Variants in SMURF1 observed in about 807,000 individuals in gnomAD.
SMURF1 encodes the protein SMAD specific E3 ubiquitin protein ligase 1.
Under a neutral mutation model 98.0 loss-of-function variants are expected in SMURF1, and 44 were observed. The observed-to-expected ratio is 0.45, with a 90% CI of 0.35 to 0.58. The LOEUF (loss-of-function observed/expected upper bound fraction) is 0.58, where lower values mean the gene tolerates loss of function less well. Among genes scored for constraint, SMURF1 ranks in the 20% least tolerant of loss-of-function variants. The probability of loss-of-function intolerance (pLI) is 0.00; values close to 1 mark genes in which losing one functional copy is unlikely to be tolerated. For missense variants in SMURF1, 687 were observed against 938.4 expected, an observed-to-expected ratio of 0.73 and a Z score of 3.50; for synonymous variants, 396 against 374.9, an observed-to-expected ratio of 1.06 and a Z score of -0.65.
rs1798211667 is a variant in SMURF1 at position 99,143,915 on chromosome 7, G to C, written c.-135C>G. 1.2e-5 allele frequency: 8 copies of C among 654,024 alleles called. No individual in the cohort carries two copies. In the South Asian group the frequency reaches 2.3e-4, roughly 19 times the overall value. 40.5% of individuals were successfully genotyped at this position (654,024 alleles called of 1,614,324 possible). On this transcript the variant is annotated 5_prime_UTR_variant, in exon 1 of 18. Coordinates refer to ENST00000361368, the MANE Select transcript of SMURF1 (RefSeq NM_181349.3). ...GGGTCCGAGCCGGGACACAAACTCC[G>C]CGGCCCAGGCGTCCGGGCGGCAGGC...
At chr7:99,143,416 G>T (rs866822315) in intron 1 of SMURF1, among the ~76,000 whole-genome samples, 5 of 143,214 alleles carry the variant, frequency 3.5e-5, no homozygotes, top group African/African-American at 1.3e-4. Context: ...GCCAGGGAAG[G>T]AGATGCAAGG....
intron 1 of SMURF1, among the ~76,000 whole-genome samples, chr7:99,107,372 A>G (rs1797216555): frequency 6.6e-6 from 1 of 152,202 alleles, no homozygotes; most frequent in Non-Finnish European, 1.5e-5. Flanking sequence ...GTATCAAAAC[A>G]TCTCATGTAC....
At position 99,116,245 on chromosome 7, in the gene SMURF1, A is replaced by G. The variant is rs1175358564; in HGVS notation, c.55+27481T>C. ...ACAGATTCCAACATTCATGATAAAA[A>G]TATCAACATCCTTGGAATAGAAACT... On this transcript the variant is annotated intron_variant, in intron 1 of 17. Coordinates refer to ENST00000361368, the MANE Select transcript of SMURF1 (RefSeq NM_181349.3). 2.2e-3 allele frequency among the ~76,000 whole-genome samples: 5 copies of G among 2,280 alleles called. No homozygotes were observed. In the Non-Finnish European group the frequency reaches 0.1, roughly 46 times the overall value. The allele number at this position is 2,280 out of a possible 152,430, so 1.5% of individuals were successfully genotyped here.
At chr7:99,102,379 AAATG>A (rs1797102712) in intron 1 of SMURF1, among the ~76,000 whole-genome samples, 1 of 152,258 alleles carries the variant, frequency 6.6e-6, no homozygotes. Context: ...CAAATTTACA[AAATG>A]AATAACTGAA....
chr7:99,058,929 T>G (rs550873560), intron 3 of SMURF1, among the ~76,000 whole-genome samples: 2 of 151,410 alleles, frequency 1.3e-5, no homozygotes, highest in African/African-American at 4.9e-5. Flanking sequence ...ACTAAAAATA[T>G]AAAAATTAGC....
Position 99,143,903 on chromosome 7 carries a change from G to T in SMURF1, c.-123C>A. 1 of 836,598 alleles carries T rather than the reference G, an allele frequency of 1.2e-6. No homozygotes were observed. The highest frequency in any genetic ancestry group is 1.7e-6 in the Non-Finnish European group (1 of 597,794). 51.8% of individuals were successfully genotyped at this position (836,598 alleles called of 1,614,324 possible). A position where few individuals can be genotyped will look rare whatever the true frequency, so the allele number is the denominator to read the frequency against. ...GGCTGGGCGCCGGGGTCCGAGCCGG[G>T]ACACAAACTCCGCGGCCCAGGCGTC... On this transcript the variant is annotated 5_prime_UTR_variant, in exon 1 of 18. Transcript: ENST00000361368.
intron 1 of SMURF1, among the ~76,000 whole-genome samples, chr7:99,139,875 T>C (rs547240170): frequency 6.6e-6 from 1 of 152,310 alleles, no homozygotes; most frequent in East Asian, 1.9e-4. Context: ...CCAACAGTTT[T>C]CAAAAACAAT....
At chr7:99,090,197 G>A (rs1036982604) in intron 1 of SMURF1, among the ~76,000 whole-genome samples, 3 of 152,174 alleles carry the variant, frequency 2.0e-5, no homozygotes, top group African/African-American at 4.8e-5. Context: ...TGTCCTCTGT[G>A]GCCTCCAGCG....
At chr7:99,133,174 C>T (rs1584216682) in intron 1 of SMURF1, among the ~76,000 whole-genome samples, 1 of 152,216 alleles carries the variant, frequency 6.6e-6, no homozygotes, top group African/African-American at 2.4e-5. Context: ...CTGGATTGCA[C>T]CAATGTAAAC....
chr7:99,032,577 G>A (rs1342605369), intron 17 of SMURF1, among the ~76,000 whole-genome samples: 3 of 152,226 alleles, frequency 2.0e-5, no homozygotes, highest in African/African-American at 4.8e-5. Context: ...GCTGAGGCAT[G>A]AGAATTGCTT....
At chr7:99,127,384 CAAG>C (rs1311570182) in intron 1 of SMURF1, among the ~76,000 whole-genome samples, 3 of 152,044 alleles carry the variant, frequency 2.0e-5, no homozygotes, top group Non-Finnish European at 4.4e-5. Context: ...TGGAAGAACA[CAAG>C]AATACCATGG....
Position 99,027,505 on chromosome 7 carries a change from C to A in SMURF1, c.*3079G>T, listed in dbSNP as rs1159851520. 1 of 152,646 alleles carries A rather than the reference C, an allele frequency of 6.6e-6. No homozygotes were observed. Among genetic ancestry groups the A allele is most frequent in the African/African-American group, 2.4e-5 (1 of 41,460 alleles). The allele number at this position is 152,646 out of a possible 1,614,324, so 9.5% of individuals were successfully genotyped here. A position where few individuals can be genotyped will look rare whatever the true frequency, so the allele number is the denominator to read the frequency against. On this transcript the variant is annotated 3_prime_UTR_variant, in exon 18 of 18. Coordinates refer to ENST00000361368, the MANE Select transcript of SMURF1 (RefSeq NM_181349.3). ...GACCTCCTGGGCCCAGCCTGCTGTA[C>A]AATCACTGTTTGTTTTGTGTTTCCA...
chr7:99,083,081 A>C (rs939257165), intron 1 of SMURF1, among the ~76,000 whole-genome samples: 1 of 152,146 alleles, frequency 6.6e-6, no homozygotes, highest in Non-Finnish European at 1.5e-5. Context: ...ACCTGGGCAT[A>C]ACAGCTAAGG....
Position 99,030,447 on chromosome 7 carries a change from G to T in SMURF1, c.*137C>A. The stretch of plus-strand genomic sequence containing the variant: ...AGTCCCCCATCCCCCTCCCCCAACA[G>T]AAAGGAGAGAGACAACCCTTTCCCC... On this transcript the variant is annotated 3_prime_UTR_variant, in exon 18 of 18. Coordinates refer to ENST00000361368, the MANE Select transcript of SMURF1 (RefSeq NM_181349.3). 1 of 729,266 alleles carries T rather than the reference G, an allele frequency of 1.4e-6. No individual in the cohort carries two copies. The highest frequency in any genetic ancestry group is 2.3e-6 in the Non-Finnish European group (1 of 432,820). The allele number at this position is 729,266 out of a possible 1,614,324, so 45.2% of individuals were successfully genotyped here. A position where few individuals can be genotyped will look rare whatever the true frequency, so the allele number is the denominator to read the frequency against.
intron 9 of SMURF1, chr7:99,049,332 T>C (rs1276532685): frequency 8.0e-6 from 4 of 498,326 alleles, no homozygotes; most frequent in African/African-American, 1.9e-5. Context: ...TCGGTAAATT[T>C]TATGTAGGCT....
At chr7:99,108,167 C>T (rs1013625481) in intron 1 of SMURF1, among the ~76,000 whole-genome samples, 1 of 152,116 alleles carries the variant, frequency 6.6e-6, no homozygotes, top group Non-Finnish European at 1.5e-5. Flanking sequence ...CTGTGCAGAG[C>T]CTTAACAACT....
chr7:99,143,786 G>A lies in SMURF1; in HGVS notation c.-6C>T. On this transcript the variant is annotated 5_prime_UTR_variant, in exon 1 of 18. Transcript: ENST00000361368. The stretch of plus-strand genomic sequence containing the variant: ...CGTGTCCCGGGGTTCGACATCTCCC[G>A]CCAACGATCGGGCAGCCGCGGATCC... 1.3e-6 allele frequency: 2 copies of A among 1,542,232 alleles called. No homozygotes were observed. The highest frequency in any genetic ancestry group is 1.2e-5 in the South Asian group (1 of 85,436).
chr7:99,041,824 A>G (rs909657812), intron 12 of SMURF1, among the ~76,000 whole-genome samples: 1 of 152,258 alleles, frequency 6.6e-6, no homozygotes, highest in Admixed American at 6.5e-5. Flanking sequence ...CCATTAACAC[A>G]TACGATCATC....
intron 1 of SMURF1, among the ~76,000 whole-genome samples, chr7:99,101,579 C>T (rs546347094): frequency 2.0e-5 from 3 of 152,184 alleles, no homozygotes; most frequent in East Asian, 1.9e-4. Context: ...AATCACTTTT[C>T]GTAAATGGAG....
Sources: allele counts gnomAD v4.1 joint callset (sites outside exome capture counted in the v4.1 genomes callset), GRCh38; gene constraint gnomAD v4.1.1; transcripts MANE v1.5; gene names NCBI Gene and HGNC (gene_info 2026-07-23, HGNC 2026-07-21).